The following NTM variants were observed in gnomAD, a reference collection of about 807,000 sequenced individuals.
The protein encoded by NTM is IgLON family member 2.
Under a neutral mutation model 42.1 loss-of-function variants are expected in NTM, and 13 were observed. The observed-to-expected ratio is 0.31, with a 90% CI of 0.20 to 0.49. The LOEUF (loss-of-function observed/expected upper bound fraction) is 0.49. NTM is among the 20% of genes least tolerant of loss of function. The pLI, the probability that NTM is intolerant of heterozygous loss-of-function variation, is 0.99. For missense variants in NTM, 373 were observed against 452.8 expected (o/e 0.82, Z 1.60); for synonymous variants, 187 against 179.2 (o/e 1.04, Z -0.35).
chr11:131,928,939 A>G (rs1348808899), intron 2 of NTM, among the ~76,000 whole-genome samples: 1 of 152,178 alleles, frequency 6.6e-6, no homozygotes, highest in African/African-American at 2.4e-5. Flanking sequence ...CATTTTTTCA[A>G]TCAGTACAAA....
intron 4 of NTM, among the ~76,000 whole-genome samples, chr11:132,278,467 G>A (rs961450592): frequency 1.3e-5 from 2 of 152,176 alleles, no homozygotes; most frequent in African/African-American, 4.8e-5. Flanking sequence ...AGTAGTCTTT[G>A]TGCATAGCCT....
chr11:132,022,860 A>C (rs929414333), intron 2 of NTM, among the ~76,000 whole-genome samples: 1 of 152,184 alleles, frequency 6.6e-6, no homozygotes, highest in Non-Finnish European at 1.5e-5. Context: ...TGATAATTGG[A>C]TTTGTAAGTC....
At chr11:131,877,150 C>T (rs920562273) in intron 1 of NTM, among the ~76,000 whole-genome samples, 3 of 152,186 alleles carry the variant, frequency 2.0e-5, no homozygotes, top group African/African-American at 7.2e-5. Context: ...TGAGGCACTG[C>T]GCCAGGCCCC....
chr11:132,101,904 C>G (rs1249975295), intron 2 of NTM, among the ~76,000 whole-genome samples: 2 of 152,202 alleles, frequency 1.3e-5, no homozygotes, highest in African/African-American at 4.8e-5. Flanking sequence ...GACTGTTTCA[C>G]ATCTAAGATC....
intron 3 of NTM, among the ~76,000 whole-genome samples, chr11:132,183,635 A>G (rs1357593855): frequency 1.3e-5 from 2 of 151,930 alleles, no homozygotes; most frequent in Non-Finnish European, 2.9e-5. Context: ...AAAAATCTCC[A>G]TGTTCTTTGA....
At chr11:131,436,883 CA>C in intron 1 of NTM, among the ~76,000 whole-genome samples, 1 of 152,184 alleles carries the variant, frequency 6.6e-6, no homozygotes, top group South Asian at 2.1e-4. Context: ...GTTAGGGTGT[CA>C]ATTTTAGATC....
chr11:131,599,641 G>T (rs2060294612), intron 1 of NTM, among the ~76,000 whole-genome samples: 1 of 152,222 alleles, frequency 6.6e-6, no homozygotes, highest in African/African-American at 2.4e-5. Context: ...GGTCATAATG[G>T]TGAGCAGGAG....
At chr11:131,423,157 G>T (rs1591625174) in intron 1 of NTM, among the ~76,000 whole-genome samples, 2 of 152,156 alleles carry the variant, frequency 1.3e-5, no homozygotes, top group African/African-American at 4.8e-5. Flanking sequence ...TTATACATAT[G>T]CATATTATAG....
intron 2 of NTM, among the ~76,000 whole-genome samples, chr11:132,081,485 C>T (rs2059034982): frequency 1.3e-5 from 2 of 152,142 alleles, no homozygotes; most frequent in Admixed American, 1.3e-4. Context: ...GTAATCCCAG[C>T]ACTTTGGGAG....
chr11:131,468,555 T>C (rs1051154589), intron 1 of NTM, among the ~76,000 whole-genome samples: 5 of 152,214 alleles, frequency 3.3e-5, no homozygotes, highest in South Asian at 4.1e-4. Flanking sequence ...GAGTTTTTTT[T>C]CTATAGATTT....
At chr11:131,483,274 A>G (rs760865184) in intron 1 of NTM, among the ~76,000 whole-genome samples, 7 of 152,094 alleles carry the variant, frequency 4.6e-5, no homozygotes, top group Non-Finnish European at 8.8e-5. Flanking sequence ...TAAAAACTGG[A>G]GTGTGTTGAA....
At chr11:132,045,768 G>C (rs564813828) in intron 2 of NTM, among the ~76,000 whole-genome samples, 11 of 152,236 alleles carry the variant, frequency 7.2e-5, no homozygotes, top group Admixed American at 5.2e-4. Context: ...GGCACAGCAC[G>C]TGGGACATGG....
chr11:131,769,513 T>G (rs1591714449), intron 1 of NTM: 2 of 505,314 alleles, frequency 4.0e-6, no homozygotes, highest in East Asian at 3.0e-4. Flanking sequence ...CTGGTATTTA[T>G]AAAGAAGTTA....
chr11:131,641,114 G>T (rs2065076680), intron 1 of NTM, among the ~76,000 whole-genome samples: 1 of 152,172 alleles, frequency 6.6e-6, no homozygotes, highest in Admixed American at 6.5e-5. Flanking sequence ...ACTGACACTG[G>T]TTCCTAATCC....
chr11:132,310,269 C>A, intron 6 of NTM, 37 bp downstream of exon 6: 1 of 1,534,596 alleles, frequency 6.5e-7, no homozygotes, highest in African/African-American at 1.4e-5. Flanking sequence ...CCCCTACCCC[C>A]ATCTCCAGGA....
intron 6 of NTM, among the ~76,000 whole-genome samples, chr11:132,311,337 G>C (rs141308634): frequency 4.3e-4 from 65 of 152,112 alleles, no homozygotes; most frequent in African/African-American, 1.3e-3. Flanking sequence ...GAAAAGCAGT[G>C]TTTTGTTTTT....
intron 1 of NTM, among the ~76,000 whole-genome samples, chr11:131,727,945 T>A (rs1422695982): frequency 6.6e-6 from 1 of 152,210 alleles, no homozygotes; most frequent in African/African-American, 2.4e-5. Flanking sequence ...ATAAGCTGCA[T>A]GAGAGCAGGG....
intron 1 of NTM, among the ~76,000 whole-genome samples, chr11:131,814,244 A>G (rs187615344): frequency 1.8e-4 from 27 of 152,082 alleles, no homozygotes; most frequent in Admixed American, 1.6e-3. Context: ...TTATTGTGCT[A>G]TGTTCCCTGG....
intron 1 of NTM, among the ~76,000 whole-genome samples, chr11:131,754,496 A>C (rs1343914441): frequency 6.6e-6 from 1 of 151,998 alleles, no homozygotes; most frequent in Non-Finnish European, 1.5e-5. Context: ...ATAGTGGCGC[A>C]TATCTGTAAT....
Sources: allele counts gnomAD v4.1 joint callset (sites outside exome capture counted in the v4.1 genomes callset), GRCh38; gene constraint gnomAD v4.1.1; transcripts MANE v1.5; gene names NCBI Gene and HGNC (gene_info 2026-07-23, HGNC 2026-07-21).